REEP3: variants seen among roughly 807,000 people sequenced by gnomAD.
REEP3 encodes the protein receptor expression-enhancing protein 3.
REEP3 carries 20 observed loss-of-function variants against 41.3 expected under a neutral mutation model. The observed-to-expected ratio is 0.48, with a 90% CI of 0.34 to 0.70. The LOEUF (loss-of-function observed/expected upper bound fraction) is 0.70. Among genes scored for constraint, REEP3 ranks in the 30% least tolerant of loss-of-function variants. REEP3 has a pLI of 0.01. For missense variants in REEP3, 271 were observed against 308.8 expected, an observed-to-expected ratio of 0.88 and a Z score of 0.92; for synonymous variants, 104 against 101.8, an observed-to-expected ratio of 1.02 and a Z score of -0.13.
At chr10:63,562,115 G>C (rs551578513) in intron 1 of REEP3, among the ~76,000 whole-genome samples, 8 of 152,200 alleles carry the variant, frequency 5.3e-5, no homozygotes, top group African/African-American at 1.9e-4. Context: ...GCTCCTGTGC[G>C]GTGGAGGAGT....
At chr10:63,603,084 C>T (rs569978842) in intron 5 of REEP3, among the ~76,000 whole-genome samples, 16 of 151,070 alleles carry the variant, frequency 1.1e-4, no homozygotes, top group Middle Eastern at 3.7e-3. Flanking sequence ...GAGGCTGAGG[C>T]GGGCGGATCA....
At chr10:63,594,686 A>G (rs1315687849) in intron 2 of REEP3, 92 bp from the exon 3 acceptor site, 4 of 819,420 alleles carry the variant, frequency 4.9e-6, no homozygotes, top group African/African-American at 3.4e-5. Context: ...TGAAATTATT[A>G]TGAAATCCAG....
chr10:63,527,038 C>CT (rs1300997764), intron 1 of REEP3, among the ~76,000 whole-genome samples: 3 of 151,936 alleles, frequency 2.0e-5, no homozygotes, highest in African/African-American at 7.3e-5. Context: ...CGATATTTCC[C>CT]TTTTTTACAA....
chr10:63,576,086 T>C (rs1955896569), intron 2 of REEP3, among the ~76,000 whole-genome samples: 1 of 152,226 alleles, frequency 6.6e-6, no homozygotes, highest in Admixed American at 6.5e-5. Context: ...TTTACATTTG[T>C]TTCAGCTTCT....
intron 1 of REEP3, among the ~76,000 whole-genome samples, chr10:63,537,954 C>G (rs1301538845): frequency 7.4e-6 from 1 of 135,030 alleles, no homozygotes; most frequent in African/African-American, 2.8e-5. Flanking sequence ...AAGCTTTCTT[C>G]CCCCCCCGAC....
At chr10:63,599,133 T>C (rs1218198323) in intron 4 of REEP3, 37 bp from the exon 5 acceptor site, 1 of 1,066,812 alleles carries the variant, frequency 9.4e-7, no homozygotes, top group South Asian at 1.4e-5. Context: ...TAACACTATT[T>C]TTAAGTAAAA....
At chr10:63,605,576 A>C (rs773414358) in intron 5 of REEP3, among the ~76,000 whole-genome samples, 14 of 152,224 alleles carry the variant, frequency 9.2e-5, no homozygotes, top group Non-Finnish European at 1.8e-4. Flanking sequence ...TAAAGGTTTT[A>C]TACAAAGGTG....
chr10:63,607,254 G>A (rs940341572), intron 5 of REEP3, among the ~76,000 whole-genome samples: 5 of 152,196 alleles, frequency 3.3e-5, no homozygotes, highest in African/African-American at 1.2e-4. Flanking sequence ...GGCTGTTAAA[G>A]TGTTGGAGGT....
chr10:63,557,847 G>A (rs1955703890), intron 1 of REEP3, among the ~76,000 whole-genome samples: 1 of 152,210 alleles, frequency 6.6e-6, no homozygotes, highest in Non-Finnish European at 1.5e-5. Flanking sequence ...GACCACAAGT[G>A]TTGATATAGT....
intron 2 of REEP3, among the ~76,000 whole-genome samples, chr10:63,587,186 C>T (rs942144860): frequency 7.2e-5 from 11 of 152,174 alleles, no homozygotes; most frequent in African/African-American, 2.4e-4. Flanking sequence ...CAAGGGATCA[C>T]AATAATAATT....
At chr10:63,560,680 A>G (rs1450407796) in intron 1 of REEP3, among the ~76,000 whole-genome samples, 2 of 152,226 alleles carry the variant, frequency 1.3e-5, no homozygotes, top group East Asian at 1.9e-4. Context: ...TCTTGTCTCT[A>G]TAACTGAAAC....
intron 1 of REEP3, among the ~76,000 whole-genome samples, chr10:63,532,033 A>G (rs1955425642): frequency 6.6e-6 from 1 of 152,258 alleles, no homozygotes; most frequent in South Asian, 2.1e-4. Flanking sequence ...CGTATTCTGC[A>G]CATCAGGTGT....
intron 2 of REEP3, among the ~76,000 whole-genome samples, chr10:63,577,329 G>A (rs373052199): frequency 4.3e-4 from 66 of 152,276 alleles, no homozygotes; most frequent in African/African-American, 1.4e-3. Flanking sequence ...CCTGGGGAAG[G>A]AGGGACATTG....
intron 2 of REEP3, among the ~76,000 whole-genome samples, chr10:63,589,005 G>A (rs905571331): frequency 6.6e-6 from 1 of 152,188 alleles, no homozygotes; most frequent in African/African-American, 2.4e-5. Flanking sequence ...AACAGGAGGT[G>A]CAGTAGCAGG....
Position 63,545,695 on chromosome 10 carries a change from T to TG in REEP3, c.33-20643_33-20642insG, listed in dbSNP as rs1165608851. The stretch of plus-strand genomic sequence containing the variant: ...GCCAACTTCTGTTTTTTTTTTTTTT[T>TG]TTTTTTTTTTGAGATGGAGTCTTGC... On this transcript the variant is annotated intron_variant, in intron 1 of 7. Coordinates refer to ENST00000373758, the MANE Select transcript of REEP3 (RefSeq NM_001001330.3). Among the ~76,000 whole-genome samples the TG allele has an allele frequency of 3.2e-3, 460 of 143,256 alleles. 4 individuals are homozygous for TG. Among genetic ancestry groups the TG allele is most frequent in the African/African-American group, 0.012 (444 of 38,538 alleles). 94.0% of individuals were successfully genotyped at this position (143,256 alleles called of 152,430 possible).
intron 1 of REEP3, among the ~76,000 whole-genome samples, chr10:63,551,492 A>G (rs753029793): frequency 1.3e-5 from 2 of 152,262 alleles, no homozygotes; most frequent in East Asian, 3.9e-4. Flanking sequence ...CTTTCTGCCA[A>G]AAAACGTGGT....
Position 63,599,252 on chromosome 10 carries a change from C to A in REEP3, c.386C>A (p.Ala129Glu). Residue 129 changes from alanine (A) to glutamate (E), a missense_variant, in exon 5 of 8, where the codon GCA becomes GAA. By Grantham distance (107) the Ala-to-Glu change is moderately radical. Coordinates refer to ENST00000373758, the MANE Select transcript of REEP3 (RefSeq NM_001001330.3). ...VNFGRQGLNL[A>E]ATAAVTAAVK... ...TTTGGACGGCAAGGTTTAAACCTTGCAGCTACTGCTGCTGTTACTGCAGCA... is the reference window on the plus strand; with the variant it reads ...TTTGGACGGCAAGGTTTAAACCTTGAAGCTACTGCTGCTGTTACTGCAGCA... The A allele has an allele frequency of 6.4e-7, 1 of 1,562,948 alleles. No homozygotes were observed. Among genetic ancestry groups the A allele is most frequent in the Non-Finnish European group, 8.7e-7 (1 of 1,154,706 alleles).
intron 5 of REEP3, among the ~76,000 whole-genome samples, chr10:63,604,382 A>T (rs1257210154): frequency 6.6e-6 from 1 of 152,210 alleles, no homozygotes; most frequent in Non-Finnish European, 1.5e-5. Flanking sequence ...GATGAGCAAC[A>T]CTACTGCCAG....
chr10:63,536,907 A>G (rs1955479933), intron 1 of REEP3, among the ~76,000 whole-genome samples: 1 of 152,238 alleles, frequency 6.6e-6, no homozygotes, highest in African/African-American at 2.4e-5. Flanking sequence ...TGATGCCAGT[A>G]GGAGAGTAAG....
Sources: allele counts gnomAD v4.1 joint callset (sites outside exome capture counted in the v4.1 genomes callset), GRCh38; gene constraint gnomAD v4.1.1; transcripts MANE v1.5; gene names NCBI Gene and HGNC (gene_info 2026-07-23, HGNC 2026-07-21).